MAP4K3: variants seen among roughly 807,000 people sequenced by gnomAD.
MAP4K3 encodes mitogen-activated protein kinase kinase kinase kinase 3.
In MAP4K3, 94 loss-of-function variants were observed where a neutral mutation model predicts 143.5. That is an observed-to-expected ratio of 0.65 (90% CI 0.55 to 0.78). MAP4K3 has a LOEUF of 0.78. MAP4K3 is among the 30% of genes least tolerant of loss of function. The pLI, the probability that MAP4K3 is intolerant of heterozygous loss-of-function variation, is 0.00. For missense variants in MAP4K3, 1,077 were observed against 1,068.1 expected, an observed-to-expected ratio of 1.01 and a Z score of -0.12; for synonymous variants, 416 against 347.2, an observed-to-expected ratio of 1.20 and a Z score of -2.20.
intron 19 of MAP4K3, among the ~76,000 whole-genome samples, chr2:39,289,071 A>C (rs1213801526): frequency 2.0e-5 from 3 of 151,992 alleles, no homozygotes; most frequent in East Asian, 1.9e-4. Context: ...CAAAACAAAA[A>C]AACAAAAAAC....
At chr2:39,267,361 T>C in intron 26 of MAP4K3, 114 bp from the exon 27 acceptor site, 1 of 759,114 alleles carries the variant, frequency 1.3e-6, no homozygotes, top group South Asian at 1.5e-5. Flanking sequence ...GCTGACATAC[T>C]AGCTCATCTA....
At chr2:39,327,818 G>A (rs1369176243) in intron 8 of MAP4K3, among the ~76,000 whole-genome samples, 2 of 151,638 alleles carry the variant, frequency 1.3e-5, no homozygotes, top group African/African-American at 4.9e-5. Flanking sequence ...ATGCATGCAA[G>A]TGATACGCTC....
chr2:39,293,108 C>T (rs900556450), intron 17 of MAP4K3, 122 bp downstream of exon 17: 4 of 770,564 alleles, frequency 5.2e-6, no homozygotes, highest in Non-Finnish European at 8.7e-6. Flanking sequence ...CAGAGCGAGA[C>T]CCTATCTCTA....
At chr2:39,287,938 T>C (rs963339747) in intron 20 of MAP4K3, among the ~76,000 whole-genome samples, 183 bp downstream of exon 20, 3 of 152,178 alleles carry the variant, frequency 2.0e-5, no homozygotes, top group Non-Finnish European at 4.4e-5. Context: ...GACTGTGTCA[T>C]AGGGAATCCT....
intron 2 of MAP4K3, among the ~76,000 whole-genome samples, chr2:39,366,807 C>T (rs943725450): frequency 2.6e-5 from 4 of 152,164 alleles, no homozygotes; most frequent in African/African-American, 9.7e-5. Flanking sequence ...TTGAAACCCA[C>T]TGGCTAATCT....
chr2:39,421,225 C>T (rs987335488), intron 1 of MAP4K3, among the ~76,000 whole-genome samples: 2 of 152,134 alleles, frequency 1.3e-5, no homozygotes, highest in Non-Finnish European at 2.9e-5. Flanking sequence ...AACCTGGAGA[C>T]AGTTTCTCAA....
In MAP4K3 at chr2:39,325,803, C is replaced by G. The variant is rs755029510; in HGVS notation, c.734G>C (p.Ser245Thr). 1.9e-6 allele frequency: 3 copies of G among 1,603,646 alleles called. No homozygotes were observed. In the African/African-American group the frequency reaches 4.0e-5, roughly 22 times the overall value. The stretch of plus-strand genomic sequence containing the variant: ...TGCCATTTTCACAAAGTGATGAAAA[C>G]TATTTGACCTAAGAAATTTAGAAAA... Reference protein sequence around the residue: ...KLKDKMKWSNSFHHFVKMALT... With the variant: ...KLKDKMKWSNTFHHFVKMALT... The change falls in exon 11 of 34, where the codon AGT becomes ACT. Residue 245 changes from serine (S) to threonine (T), a missense_variant. Ser to Thr is a moderately conservative substitution (Grantham distance 58). Coordinates refer to ENST00000263881, the MANE Select transcript of MAP4K3 (RefSeq NM_003618.4).
At chr2:39,251,078 C>A (rs1456614859) in intron 33 of MAP4K3, among the ~76,000 whole-genome samples, 1 of 152,220 alleles carries the variant, frequency 6.6e-6, no homozygotes, top group Non-Finnish European at 1.5e-5. Flanking sequence ...GGATGAATAA[C>A]GTACCCAGAC....
chr2:39,333,536 T>A lies in MAP4K3; in HGVS notation c.453A>T (p.Lys151Asn). Residue 151 changes from lysine (K) to asparagine (N), a missense_variant, in exon 7 of 34, where the codon AAA becomes AAT. This residue lies in a region of MAP4K3 where 213 missense variants were observed against 266.8 expected (regional missense o/e 0.80). Transcript: ENST00000263881. ...NILLTDNGHV[K>N]LADFGVSAQI... ...ACAAAATTCCAATTTACTTACCCAATTTCACATGACCATTATCCGTTAATA... is the reference window on the plus strand; with the variant it reads ...ACAAAATTCCAATTTACTTACCCAAATTCACATGACCATTATCCGTTAATA... 1 of 1,606,274 alleles carries A rather than the reference T, an allele frequency of 6.2e-7. No homozygotes were observed. Among genetic ancestry groups the A allele is most frequent in the East Asian group, 2.2e-5 (1 of 44,712 alleles).
At chr2:39,369,193 G>GTTTTTTTGTTTGTGTTTT (rs747293878) in intron 2 of MAP4K3, among the ~76,000 whole-genome samples, 1 of 37,978 alleles carries the variant, frequency 2.6e-5, no homozygotes, top group South Asian at 1.4e-3. Flanking sequence ...CTTTGGGCTA[G>GTTTTTTTGTTTGTGTTTT]TTTTTTTTTT....
intron 31 of MAP4K3, among the ~76,000 whole-genome samples, chr2:39,256,174 A>G (rs1680335782): frequency 6.6e-6 from 1 of 152,236 alleles, no homozygotes; most frequent in African/African-American, 2.4e-5. Flanking sequence ...AGCAACTCTG[A>G]ATTCTCTTAC....
chr2:39,271,591 T>C (rs1288012288), intron 26 of MAP4K3, among the ~76,000 whole-genome samples: 1 of 152,154 alleles, frequency 6.6e-6, no homozygotes, highest in African/African-American at 2.4e-5. Flanking sequence ...AAACTAATTA[T>C]CTTCTAATGC....
intron 2 of MAP4K3, among the ~76,000 whole-genome samples, chr2:39,365,666 G>T (rs561221016): frequency 1.3e-5 from 2 of 150,750 alleles, no homozygotes; most frequent in South Asian, 4.2e-4. Flanking sequence ...GGATGGTCTC[G>T]ATCTCCTGAC....
At chr2:39,276,891 T>C (rs2148460525) in intron 24 of MAP4K3, among the ~76,000 whole-genome samples, 1 of 152,298 alleles carries the variant, frequency 6.6e-6, no homozygotes, top group Non-Finnish European at 1.5e-5. Context: ...GGAGGTTCTT[T>C]TGGAGATGAT....
intron 6 of MAP4K3, among the ~76,000 whole-genome samples, chr2:39,336,259 G>A (rs558443627): frequency 1.6e-4 from 24 of 152,066 alleles, no homozygotes; most frequent in Non-Finnish European, 2.5e-4. Flanking sequence ...GATCACCTGA[G>A]GTCAGGAGAT....
chr2:39,435,153 T>C (rs1184323061), intron 1 of MAP4K3, among the ~76,000 whole-genome samples: 1 of 152,202 alleles, frequency 6.6e-6, no homozygotes, highest in Non-Finnish European at 1.5e-5. Context: ...CCACTTCTAC[T>C]TTCACAGTCA....
chr2:39,387,310 G>C (rs1666531324), intron 1 of MAP4K3, among the ~76,000 whole-genome samples: 2 of 151,872 alleles, frequency 1.3e-5, no homozygotes, highest in African/African-American at 4.8e-5. Context: ...TAAATCTATA[G>C]ATCAATTTGG....
At chr2:39,372,323 G>A (rs1261128882) in intron 2 of MAP4K3, among the ~76,000 whole-genome samples, 1 of 151,758 alleles carries the variant, frequency 6.6e-6, no homozygotes, top group East Asian at 1.9e-4. Context: ...CCATGTTCAT[G>A]GACTGGAAGA....
chr2:39,361,436 A>G (rs1340117563), intron 2 of MAP4K3, among the ~76,000 whole-genome samples: 1 of 151,916 alleles, frequency 6.6e-6, no homozygotes, highest in Non-Finnish European at 1.5e-5. Flanking sequence ...TAACCAATTG[A>G]AACCCAAAAG....
Sources: gnomAD v4.1 joint callset for allele counts (sites outside exome capture counted in the v4.1 genomes callset) on GRCh38, gnomAD v4.1.1 for gene constraint, gnomAD v4.1.1 regional missense constraint, MANE v1.5 for transcripts, NCBI Gene and HGNC (gene_info 2026-07-23, HGNC 2026-07-21) for gene names.